Variants in HERC4 observed in about 807,000 individuals in gnomAD.
HERC4 encodes HECT and RLD domain containing E3 ubiquitin protein ligase 4.
In HERC4, 28 loss-of-function variants were observed where a neutral mutation model predicts 124.3. The observed-to-expected ratio is 0.23, with a 90% CI of 0.17 to 0.31. The LOEUF (loss-of-function observed/expected upper bound fraction) is 0.31. HERC4 is among the 10% of genes least tolerant of loss of function. HERC4 has a pLI of 1.00. For synonymous variants in HERC4, 407 were observed against 421.5 expected, an observed-to-expected ratio of 0.97 and a Z score of 0.42; for missense variants, 713 against 1,229.3, an observed-to-expected ratio of 0.58 and a Z score of 6.28.
At chr10:68,008,007 C>G (rs1327536696) in intron 9 of HERC4, 1 of 152,364 alleles carries the variant, frequency 6.6e-6, no homozygotes, top group Non-Finnish European at 1.5e-5. Context: ...GCACACACCA[C>G]CACGCCCAGC....
At chr10:67,952,567 C>T (rs374207170) in intron 19 of HERC4, among the ~76,000 whole-genome samples, 28 of 151,200 alleles carry the variant, frequency 1.9e-4, no homozygotes, top group African/African-American at 6.1e-4. Context: ...CCACTGGGCC[C>T]GGCCAAAAAA....
At chr10:67,930,883 T>A (rs951089905) in intron 23 of HERC4, among the ~76,000 whole-genome samples, 6 of 152,180 alleles carry the variant, frequency 3.9e-5, no homozygotes, top group Admixed American at 6.5e-5. Flanking sequence ...TTTCACCATG[T>A]TGGCCAGGCT....
intron 3 of HERC4, among the ~76,000 whole-genome samples, chr10:68,066,119 C>T (rs924281194): frequency 6.6e-6 from 1 of 152,156 alleles, no homozygotes; most frequent in African/African-American, 2.4e-5. Flanking sequence ...TTTGAGTACA[C>T]CTCCTCTATT....
chr10:68,004,609 A>G (rs2037429562), intron 9 of HERC4, among the ~76,000 whole-genome samples: 1 of 152,172 alleles, frequency 6.6e-6, no homozygotes, highest in South Asian at 2.1e-4. Context: ...TGCTGCTATA[A>G]AAAATTGCCT....
At chr10:67,987,039 A>C (rs954214852) in intron 15 of HERC4, among the ~76,000 whole-genome samples, 2 of 152,142 alleles carry the variant, frequency 1.3e-5, no homozygotes, top group Non-Finnish European at 2.9e-5. Context: ...TATTCACATG[A>C]ACTACAGACA....
At chr10:68,052,724 T>C (rs992826843) in intron 3 of HERC4, among the ~76,000 whole-genome samples, 5 of 152,170 alleles carry the variant, frequency 3.3e-5, no homozygotes, top group African/African-American at 7.2e-5. Flanking sequence ...CTCCAATTCA[T>C]TGTGTAAGAG....
At chr10:68,005,275 T>G (rs1473102214) in intron 9 of HERC4, among the ~76,000 whole-genome samples, 5 of 152,202 alleles carry the variant, frequency 3.3e-5, no homozygotes, top group Non-Finnish European at 7.3e-5. Flanking sequence ...TACTAATCCT[T>G]TTATCATTAT....
intron 3 of HERC4, among the ~76,000 whole-genome samples, chr10:68,044,973 A>G (rs771310028): frequency 6.6e-5 from 10 of 152,230 alleles, no homozygotes; most frequent in African/African-American, 1.2e-4. Flanking sequence ...TAACAATAAG[A>G]TCATAACTGA....
chr10:68,043,067 C>T (rs1209382922), intron 4 of HERC4, among the ~76,000 whole-genome samples: 1 of 152,042 alleles, frequency 6.6e-6, no homozygotes, highest in Non-Finnish European at 1.5e-5. Flanking sequence ...ATTGGACAAC[C>T]CTCATATAAA....
chr10:67,998,073 A>AT (rs1425716222), intron 9 of HERC4, among the ~76,000 whole-genome samples: 1 of 151,470 alleles, frequency 6.6e-6, no homozygotes, highest in African/African-American at 2.4e-5. Flanking sequence ...TAATTTTTGT[A>AT]TTTTTAGTAG....
chr10:67,929,998 G>T (rs992694969), intron 23 of HERC4, among the ~76,000 whole-genome samples: 1 of 152,046 alleles, frequency 6.6e-6, no homozygotes, highest in Non-Finnish European at 1.5e-5. Flanking sequence ...TAGAGATGGG[G>T]TTTCTCCATG....
At position 68,040,592 on chromosome 10, in the gene HERC4, C is replaced by T. The variant is rs190473909; in HGVS notation, c.387-2423G>A. ...TTTTTGAATATTCAAATACACTGAA[C>T]AGAAAAGCAAAAGAAAGGCTGGGCG... On this transcript the variant is annotated intron_variant, in intron 4 of 24. Coordinates refer to ENST00000373700, the MANE Select transcript of HERC4 (RefSeq NM_015601.4). The T allele has an allele frequency of 1.2e-3, 443 of 379,440 alleles. 1 individual carries two copies. Among genetic ancestry groups the T allele is most frequent in the African/African-American group, 8.9e-3 (408 of 45,724 alleles). The allele number at this position is 379,440 out of a possible 1,614,324, so 23.5% of individuals were successfully genotyped here.
intron 15 of HERC4, among the ~76,000 whole-genome samples, chr10:67,985,103 A>AT (rs952756214): frequency 6.6e-6 from 1 of 152,150 alleles, no homozygotes; most frequent in Non-Finnish European, 1.5e-5. Flanking sequence ...ATCAGCCATC[A>AT]TTTTCTCCAG....
intron 9 of HERC4, among the ~76,000 whole-genome samples, chr10:67,995,567 C>CT (rs201016658): frequency 0.11 from 14,466 of 134,982 alleles, 901 homozygotes; most frequent in South Asian, 0.21. Flanking sequence ...TATTAGCTGT[C>CT]TTTTTTTTTT....
chr10:67,933,270 G>T (rs1250529529), intron 22 of HERC4, among the ~76,000 whole-genome samples: 1 of 152,102 alleles, frequency 6.6e-6, no homozygotes, highest in African/African-American at 2.4e-5. Flanking sequence ...GCCTAAGAGA[G>T]GGTACTAAGC....
At chr10:67,939,551 A>G in intron 21 of HERC4, 37 bp downstream of exon 21, 3 of 1,378,334 alleles carry the variant, frequency 2.2e-6, no homozygotes, top group Non-Finnish European at 3.0e-6. Context: ...AAAAGAGATG[A>G]TAAATAATCA....
At chr10:68,020,470 TA>T (rs955792853) in intron 8 of HERC4, among the ~76,000 whole-genome samples, 3 of 148,326 alleles carry the variant, frequency 2.0e-5, no homozygotes, top group African/African-American at 7.5e-5. Flanking sequence ...AAAGAAAAAC[TA>T]AAAAAAAAGT....
chr10:68,040,550 T>G (rs1286548455), intron 4 of HERC4: 1 of 554,656 alleles, frequency 1.8e-6, no homozygotes, highest in African/African-American at 2.0e-5. Flanking sequence ...AAAGATAATG[T>G]GTTTAATCAT....
At chr10:68,044,892 T>C (rs1189757533) in intron 3 of HERC4, among the ~76,000 whole-genome samples, 2 of 152,048 alleles carry the variant, frequency 1.3e-5, no homozygotes, top group African/African-American at 4.8e-5. Flanking sequence ...TATTCAAATC[T>C]ATTACTAATA....
Sources: allele counts gnomAD v4.1 joint callset (sites outside exome capture counted in the v4.1 genomes callset), GRCh38; gene constraint gnomAD v4.1.1; transcripts MANE v1.5; gene names NCBI Gene and HGNC (gene_info 2026-07-23, HGNC 2026-07-21).